The following PTPN20 variants were observed in gnomAD, a reference collection of about 807,000 sequenced individuals.
PTPN20 encodes the protein tyrosine-protein phosphatase non-receptor type 20.
PTPN20 carries 9 observed loss-of-function variants against 35.0 expected under a neutral mutation model. The observed-to-expected ratio is 0.26, with a 90% CI of 0.15 to 0.45. PTPN20 has a LOEUF of 0.45. PTPN20 is among the 20% of genes least tolerant of loss of function. The pLI, the probability that PTPN20 is intolerant of heterozygous loss-of-function variation, is 1.00. For missense variants in PTPN20, 111 were observed against 312.5 expected (o/e 0.36, Z 4.86); for synonymous variants, 32 against 100.2 (o/e 0.32, Z 4.06).
Position 46,989,336 on chromosome 10 carries a change from G to C in PTPN20, c.1134+1781G>C, listed in dbSNP as rs1415078077. Among the ~76,000 whole-genome samples, 12 of 96,004 alleles carry C rather than the reference G, an allele frequency of 1.2e-4. 1 individual carries two copies. The East Asian group carries it at 4.0e-3, about 32-fold the overall frequency. 63.0% of individuals were successfully genotyped at this position (96,004 alleles called of 152,430 possible). A position where few individuals can be genotyped will look rare whatever the true frequency, so the allele number is the denominator to read the frequency against. On this transcript the variant is annotated intron_variant, in intron 9 of 10. Transcript: ENST00000374339. ...GTTCCTTCTATGCCTCATTTGTTTA[G>C]AGTTTTTTTTTTTTATCATGAAAGC... is the stretch of plus-strand genomic sequence containing the variant.
chr10:46,932,377 G>A lies in PTPN20; in HGVS notation c.-123G>A, dbSNP rs2039991143. 1 of 1,605,478 alleles carries A rather than the reference G, an allele frequency of 6.2e-7. No individual in the cohort carries two copies. On this transcript the variant is annotated splice_region_variant and 5_prime_UTR_variant, in exon 2 of 11. It adds an upstream start codon to the 5' untranslated region. Coordinates refer to ENST00000374339, the MANE Select transcript of PTPN20 (RefSeq NM_001042357.5). Reference sequence around the variant, plus strand: ...TCTTTGGCTTTGTGTGTTTTACCAGGTGAACAAAAATTGTTTGCTGGCCCC... The same window carrying A: ...TCTTTGGCTTTGTGTGTTTTACCAGATGAACAAAAATTGTTTGCTGGCCCC...
chr10:47,001,587 T>C lies in PTPN20; in HGVS notation c.*846T>C, dbSNP rs2060038253. 6.6e-6 allele frequency: 1 copy of C among 152,184 alleles called. No individual in the cohort carries two copies. Among genetic ancestry groups the C allele is most frequent in the South Asian group, 2.1e-4 (1 of 4,830 alleles). 9.4% of individuals were successfully genotyped at this position (152,184 alleles called of 1,614,324 possible). ...AACTAATAAAGTTTGATATAGGCAT[T>C]ATTATATAATTCTGAGTCATTCATG... is the stretch of plus-strand genomic sequence containing the variant. On this transcript the variant is annotated 3_prime_UTR_variant, in exon 11 of 11. Transcript: ENST00000374339.
At chr10:46,992,320 ACCATGTTG>A (rs2058140053) in intron 9 of PTPN20, among the ~76,000 whole-genome samples, 1 of 151,852 alleles carries the variant, frequency 6.6e-6, no homozygotes, top group African/African-American at 2.4e-5. Flanking sequence ...ATGGGGTTTC[ACCATGTTG>A]GCCAGGCAGG....
Position 47,000,839 on chromosome 10 carries a change from T to C in PTPN20, c.*98T>C. 7.2e-7 allele frequency: 1 copy of C among 1,395,286 alleles called. No homozygotes were observed. The highest frequency in any genetic ancestry group is 1.0e-6 in the Non-Finnish European group (1 of 981,846). 86.4% of individuals were successfully genotyped at this position (1,395,286 alleles called of 1,614,324 possible). On this transcript the variant is annotated 3_prime_UTR_variant, in exon 11 of 11. Transcript: ENST00000374339. ...CTGTGCTGAAGGGCTTTGCTATGCA[T>C]ACAATCTGCTTTCTTGGTTTATCAG...
intron 9 of PTPN20, among the ~76,000 whole-genome samples, chr10:46,999,080 A>G (rs1174739282): frequency 6.6e-6 from 1 of 152,202 alleles, no homozygotes; most frequent in Non-Finnish European, 1.5e-5. Context: ...GAGACAACAG[A>G]GCAAGACCCT....
At chr10:46,996,406 G>C (rs1029083119) in intron 9 of PTPN20, among the ~76,000 whole-genome samples, 1 of 152,108 alleles carries the variant, frequency 6.6e-6, no homozygotes, top group Non-Finnish European at 1.5e-5. Flanking sequence ...TTAAAAATTA[G>C]TAATTCAAAT....
chr10:46,994,569 C>T (rs952077291), intron 9 of PTPN20, among the ~76,000 whole-genome samples: 1 of 151,876 alleles, frequency 6.6e-6, no homozygotes, highest in Admixed American at 6.6e-5. Flanking sequence ...CTCCTGACCT[C>T]GTGATCCGCC....
chr10:46,998,452 G>A (rs2059526044), intron 9 of PTPN20, among the ~76,000 whole-genome samples: 1 of 152,182 alleles, frequency 6.6e-6, no homozygotes, highest in South Asian at 2.1e-4. Context: ...GCATAGAGAA[G>A]GAGAACAGAT....
intron 1 of PTPN20, 43 bp downstream of exon 1, chr10:46,911,544 G>A (rs1293245229): frequency 2.8e-5 from 6 of 213,046 alleles, no homozygotes; most frequent in South Asian, 1.8e-4. Flanking sequence ...GGGGGCGTGC[G>A]GGAGGCCGCT....
At chr10:46,983,208 C>G (rs2056079460) in intron 7 of PTPN20, among the ~76,000 whole-genome samples, 1 of 151,790 alleles carries the variant, frequency 6.6e-6, no homozygotes. Context: ...TCCTGAGTAA[C>G]TGGGATTATA....
intron 9 of PTPN20, among the ~76,000 whole-genome samples, chr10:46,995,841 A>G (rs1367013321): frequency 5.9e-5 from 9 of 152,104 alleles, no homozygotes; most frequent in Non-Finnish European, 1.3e-4. Context: ...AGAAATGGGC[A>G]TTGCAGATGT....
chr10:46,936,227 A>G (rs1363853484), intron 2 of PTPN20, among the ~76,000 whole-genome samples: 3 of 151,874 alleles, frequency 2.0e-5, no homozygotes, highest in Admixed American at 6.6e-5. Context: ...AGGTTTTGGT[A>G]TCAGAACGAT....
chr10:47,003,512 A>G (rs1296075720), downstream of PTPN20, among the ~76,000 whole-genome samples: 1 of 152,070 alleles, frequency 6.6e-6, no homozygotes, highest in East Asian at 1.9e-4. Context: ...TGAAGTTAAG[A>G]TACAAGATAA....
intron 2 of PTPN20, among the ~76,000 whole-genome samples, chr10:46,937,379 A>G (rs1286105883): frequency 6.6e-6 from 1 of 151,904 alleles, no homozygotes; most frequent in African/African-American, 2.4e-5. Context: ...TTACATTTGT[A>G]TTTTATTGAC....
intron 1 of PTPN20, among the ~76,000 whole-genome samples, chr10:46,932,062 TTGTG>T (rs71023200): frequency 0.069 from 8,806 of 127,812 alleles, 829 homozygotes; most frequent in African/African-American, 0.23. Context: ...TTGATTGAAT[TTGTG>T]TGTGTGTGTG....
chr10:46,993,185 G>T (rs2058334731), intron 9 of PTPN20, among the ~76,000 whole-genome samples: 1 of 152,208 alleles, frequency 6.6e-6, no homozygotes, highest in Non-Finnish European at 1.5e-5. Flanking sequence ...AGCAGTGGGG[G>T]TGGTGGGAAG....
intron 1 of PTPN20, among the ~76,000 whole-genome samples, chr10:46,925,037 A>G (rs2036703857): frequency 1.3e-5 from 2 of 149,988 alleles, no homozygotes; most frequent in Non-Finnish European, 2.9e-5. Context: ...GAGATCACAC[A>G]CCGGAAAGAC....
intron 1 of PTPN20, among the ~76,000 whole-genome samples, chr10:46,928,336 G>C (rs1246094650): frequency 6.6e-6 from 1 of 151,710 alleles, no homozygotes; most frequent in African/African-American, 2.4e-5. Context: ...CTTTATCCTA[G>C]AGTTTCTGTA....
chr10:47,000,879 A>G lies in PTPN20; in HGVS notation c.*138A>G. The G allele has an allele frequency of 1.8e-6, 2 of 1,106,306 alleles. No individual in the cohort carries two copies. The highest frequency in any genetic ancestry group is 1.5e-5 in the African/African-American group (1 of 64,910). The allele number at this position is 1,106,306 out of a possible 1,614,324, so 68.5% of individuals were successfully genotyped here. The stretch of plus-strand genomic sequence containing the variant: ...TGGTTTATCAGTTTATTTTCTTTCT[A>G]AAAGCTCCCTGAAGGGCAATATCAT... On this transcript the variant is annotated 3_prime_UTR_variant, in exon 11 of 11. Coordinates refer to ENST00000374339, the MANE Select transcript of PTPN20 (RefSeq NM_001042357.5).
Sources: gnomAD v4.1 joint callset for allele counts (sites outside exome capture counted in the v4.1 genomes callset) on GRCh38, gnomAD v4.1.1 for gene constraint, MANE v1.5 for transcripts, NCBI Gene and HGNC (gene_info 2026-07-23, HGNC 2026-07-21) for gene names.